Variants in UHRF2 observed in about 807,000 individuals in gnomAD.
UHRF2 encodes E3 ubiquitin-protein ligase UHRF2.
A neutral mutation model predicts 96.8 loss-of-function variants in UHRF2; 23 were observed. The ratio of observed to expected loss-of-function variants is 0.24; its 90% CI spans 0.17 to 0.34. The LOEUF is 0.34. Ranked by LOEUF, UHRF2 falls within the 10% of genes least tolerant of loss-of-function variation. UHRF2 has a pLI of 1.00. For missense variants in UHRF2, 685 were observed against 981.5 expected (o/e 0.70, Z 4.04); for synonymous variants, 385 against 332.6 (o/e 1.16, Z -1.72).
At chr9:6,504,966 CT>C (rs1816507678) in intron 15 of UHRF2, among the ~76,000 whole-genome samples, 1 of 152,074 alleles carries the variant, frequency 6.6e-6, no homozygotes, top group Admixed American at 6.6e-5. Flanking sequence ...TTGCTCTTGT[CT>C]GTAATAGCTT....
At chr9:6,492,186 G>C (rs1824704488) in intron 9 of UHRF2, 1 of 287,098 alleles carries the variant, frequency 3.5e-6, no homozygotes, top group Non-Finnish European at 6.5e-6. Flanking sequence ...TCCTTGATTT[G>C]CTGCTTGAAG....
In UHRF2 at chr9:6,421,102, C is replaced by T; in HGVS notation, c.344C>T (p.Ala115Val). ...CCTTCCAATCAGCCATCTACATCAG[C>T]TCGTGCCCGTCTTATTGATCCTGGC... ...VGPSNQPSTS[A>V]RARLIDPGFG... Residue 115 changes from alanine to valine, a missense_variant, in exon 2 of 16, where the codon GCT (alanine) becomes GTT (valine). Ala to Val is a moderately conservative substitution (Grantham distance 64). Around this residue, in one of 6 missense-constraint regions of UHRF2, gnomAD observed 391 missense variants for 437.0 expected, o/e 0.89. Coordinates refer to ENST00000276893, the MANE Select transcript of UHRF2 (RefSeq NM_152896.3). 1 of 1,614,106 alleles carries T rather than the reference C, an allele frequency of 6.2e-7. No individual in the cohort carries two copies. The highest frequency in any genetic ancestry group is 8.5e-7 in the Non-Finnish European group (1 of 1,180,000).
Position 6,413,340 on chromosome 9 carries a change from T to G in UHRF2, c.-151T>G. 1 of 718,836 alleles carries G rather than the reference T, an allele frequency of 1.4e-6. No homozygotes were observed. Among genetic ancestry groups the G allele is most frequent in the Non-Finnish European group, 1.8e-6 (1 of 548,540 alleles). The allele number at this position is 718,836 out of a possible 1,614,324, so 44.5% of individuals were successfully genotyped here. On this transcript the variant is annotated 5_prime_UTR_variant, in exon 1 of 16. Coordinates refer to ENST00000276893, the MANE Select transcript of UHRF2 (RefSeq NM_152896.3). ...GCGCGCTGAGAGTCGTCGCCGCCTGTCGGGCCCGGCGTCCGGTCGGTCCGG... is the reference window on the plus strand; with the variant it reads ...GCGCGCTGAGAGTCGTCGCCGCCTGGCGGGCCCGGCGTCCGGTCGGTCCGG...
chr9:6,436,788 G>C (rs1820873870), intron 3 of UHRF2, among the ~76,000 whole-genome samples: 1 of 152,146 alleles, frequency 6.6e-6, no homozygotes, highest in Non-Finnish European at 1.5e-5. Flanking sequence ...CAGTTAGAAT[G>C]AATGTTAAGT....
At chr9:6,433,532 T>C (rs1242953978) in intron 2 of UHRF2, among the ~76,000 whole-genome samples, 4 of 152,208 alleles carry the variant, frequency 2.6e-5, no homozygotes, top group African/African-American at 9.7e-5. Flanking sequence ...TATGAAGAAA[T>C]TAATGGAACA....
chr9:6,462,178 G>T (rs914270954), intron 4 of UHRF2, among the ~76,000 whole-genome samples: 3 of 152,106 alleles, frequency 2.0e-5, no homozygotes, highest in African/African-American at 7.2e-5. Context: ...GAACACAACA[G>T]TGGCCATTAA....
intron 2 of UHRF2, among the ~76,000 whole-genome samples, chr9:6,422,144 A>G (rs981782097): frequency 5.9e-5 from 9 of 152,192 alleles, no homozygotes; most frequent in Admixed American, 2.0e-4. Context: ...CTGCCAAACT[A>G]CTATACTTGG....
intron 4 of UHRF2, chr9:6,468,307 T>C (rs117597069): frequency 0.034 from 12,569 of 368,066 alleles, 301 homozygotes; most frequent in Non-Finnish European, 0.052. Context: ...TTGTGACATT[T>C]ATTGAATCAC....
intron 2 of UHRF2, among the ~76,000 whole-genome samples, chr9:6,421,834 AC>A (rs759122737): frequency 7.1e-4 from 108 of 151,874 alleles, no homozygotes; most frequent in Non-Finnish European, 1.3e-3. Context: ...TTTGCTACTT[AC>A]GTATATTTCT....
At chr9:6,450,780 A>G (rs137883601) in intron 3 of UHRF2, among the ~76,000 whole-genome samples, 2 of 152,276 alleles carry the variant, frequency 1.3e-5, no homozygotes, top group East Asian at 3.9e-4. Flanking sequence ...AAGTGACATA[A>G]TAGTTTTTGA....
At chr9:6,479,694 C>T (rs1219759592) in intron 6 of UHRF2, among the ~76,000 whole-genome samples, 1 of 152,170 alleles carries the variant, frequency 6.6e-6, no homozygotes, top group African/African-American at 2.4e-5. Context: ...TCCACAAACT[C>T]CCTAAAATCC....
At chr9:6,492,240 T>G in intron 9 of UHRF2, 1 of 688,006 alleles carries the variant, frequency 1.5e-6, no homozygotes, top group East Asian at 7.0e-5. Context: ...TACATTTGTC[T>G]TATTATGCTC....
intron 4 of UHRF2, among the ~76,000 whole-genome samples, chr9:6,469,483 A>G (rs962215283): frequency 6.6e-6 from 1 of 151,976 alleles, no homozygotes; most frequent in Non-Finnish European, 1.5e-5. Context: ...GCGCCACTGC[A>G]CTTCAGCCTG....
chr9:6,472,230 A>G, intron 4 of UHRF2, among the ~76,000 whole-genome samples: 1 of 152,200 alleles, frequency 6.6e-6, no homozygotes, highest in East Asian at 1.9e-4. Flanking sequence ...TTTCTCCAAG[A>G]AATGTGTACT....
chr9:6,442,533 C>G (rs1821234622), intron 3 of UHRF2, among the ~76,000 whole-genome samples: 1 of 152,098 alleles, frequency 6.6e-6, no homozygotes, highest in Non-Finnish European at 1.5e-5. Context: ...GATTGAAATG[C>G]AGTGGCACAA....
chr9:6,478,013 G>A (rs550198322), intron 6 of UHRF2, among the ~76,000 whole-genome samples: 102 of 152,166 alleles, frequency 6.7e-4, no homozygotes, highest in African/African-American at 2.3e-3. Flanking sequence ...AATCCCTTCC[G>A]TTTCTTCTCT....
chr9:6,459,729 T>A (rs936616247), intron 3 of UHRF2, among the ~76,000 whole-genome samples: 3 of 152,204 alleles, frequency 2.0e-5, no homozygotes, highest in Admixed American at 6.5e-5. Context: ...GTCCCAGTAC[T>A]TTGGGAGTCC....
chr9:6,475,235 C>A (rs1341467824), intron 4 of UHRF2, among the ~76,000 whole-genome samples, 156 bp from the exon 5 acceptor site: 1 of 152,120 alleles, frequency 6.6e-6, no homozygotes, highest in African/African-American at 2.4e-5. Flanking sequence ...ACTTTTCCTA[C>A]TATTGAAAAC....
rs1816621190 is a variant in UHRF2, at chr9:6,507,053, A to G, written c.*874A>G. The stretch of plus-strand genomic sequence containing the variant: ...TTAATAAATATTTTATGATCAGAAA[A>G]ACAGCTCATTTTGCTTTACTTTTTT... On this transcript the variant is annotated 3_prime_UTR_variant, in exon 16 of 16. Coordinates refer to ENST00000276893, the MANE Select transcript of UHRF2 (RefSeq NM_152896.3). 6.6e-6 allele frequency: 1 copy of G among 152,244 alleles called. No homozygotes were observed. The highest frequency in any genetic ancestry group is 2.1e-4 in the South Asian group (1 of 4,832). 9.4% of individuals were successfully genotyped at this position (152,244 alleles called of 1,614,324 possible). A position where few individuals can be genotyped will look rare whatever the true frequency, so the allele number is the denominator to read the frequency against.
Sources: allele counts gnomAD v4.1 joint callset (sites outside exome capture counted in the v4.1 genomes callset), GRCh38; gene constraint gnomAD v4.1.1; regional missense constraint gnomAD v4.1.1; transcripts MANE v1.5; gene names NCBI Gene and HGNC (gene_info 2026-07-23, HGNC 2026-07-21).